ATXN10: variants seen among roughly 807,000 people sequenced by gnomAD.
The protein encoded by ATXN10 is ataxin-10.
Under a neutral mutation model 52.9 loss-of-function variants are expected in ATXN10, and 28 were observed. The observed-to-expected ratio is 0.53, with a 90% confidence interval of 0.39 to 0.73. The LOEUF (loss-of-function observed/expected upper bound fraction) is 0.73. ATXN10 is among the 30% of genes least tolerant of loss of function. ATXN10 has a pLI of 0.00. For missense variants in ATXN10, 565 were observed against 577.0 expected (o/e 0.98, Z 0.21); for synonymous variants, 226 against 221.5 (o/e 1.02, Z -0.18).
intron 9 of ATXN10, among the ~76,000 whole-genome samples, chr22:45,751,231 T>G (rs957953787): frequency 6.6e-6 from 1 of 152,154 alleles, no homozygotes; most frequent in Non-Finnish European, 1.5e-5. Flanking sequence ...ATGCCCAGCC[T>G]CTTTGTTCTT....
intron 9 of ATXN10, among the ~76,000 whole-genome samples, chr22:45,751,931 C>T (rs1925992785): frequency 6.8e-6 from 1 of 147,646 alleles, no homozygotes. Context: ...CCTGTCAGTG[C>T]TTGAAGGCAT....
At chr22:45,674,187 CA>C (rs1415393444) in intron 1 of ATXN10, 1 of 152,110 alleles carries the variant, frequency 6.6e-6, no homozygotes, top group African/African-American at 2.4e-5. Context: ...TAAATTAGGA[CA>C]TTGTGGGGAT....
At chr22:45,726,194 G>A (rs1924861401) in intron 6 of ATXN10, among the ~76,000 whole-genome samples, 1 of 152,110 alleles carries the variant, frequency 6.6e-6, no homozygotes. Context: ...AGTTAGGTAG[G>A]ATTCTCTCTT....
In ATXN10 at chr22:45,754,554, AC is replaced by A. The variant is rs1926106787; in HGVS notation, c.1173+14017del. Among the ~76,000 whole-genome samples, 1 of 152,098 alleles carries A rather than the reference AC, an allele frequency of 6.6e-6. No homozygotes were observed. The highest frequency in any genetic ancestry group is 2.1e-4 in the South Asian group (1 of 4,820). ...GTGCAGGAAAGGCTTCCTCAAAGCC[AC>A]TCAGTGGTGGGAGTGCTGTCTCAGT... On this transcript the variant is annotated intron_variant, in intron 9 of 11. Coordinates refer to ENST00000252934, the MANE Select transcript of ATXN10 (RefSeq NM_013236.4). The surrounding 1 kb of genome is among the most constrained non-coding windows in gnomAD (Gnocchi z 5.4).
intron 10 of ATXN10, among the ~76,000 whole-genome samples, chr22:45,839,724 C>A (rs1260637631): frequency 2.0e-5 from 3 of 152,218 alleles, no homozygotes; most frequent in African/African-American, 7.2e-5. Context: ...TTGATCCCAT[C>A]CACATGGGAA....
In ATXN10 at chr22:45,780,393, C is replaced by T. The variant is rs73444666; in HGVS notation, c.1174-26566C>T. 8.6e-3 allele frequency among the ~76,000 whole-genome samples: 1,308 copies of T among 152,314 alleles called. 11 individuals are homozygous for T. Among genetic ancestry groups the T allele is most frequent in the African/African-American group, 0.03 (1,227 of 41,572 alleles). ...GCCACTGTGCCCGTCGGACTGTTTG[C>T]TCTCATGAGAGCAGGGTGTGAAAGC... On this transcript the variant is annotated intron_variant, in intron 9 of 11. Transcript: ENST00000252934. The surrounding 1 kb of genome is among the most constrained non-coding windows in gnomAD (Gnocchi z 4.0).
In ATXN10 at chr22:45,672,056, G is replaced by C. The variant is rs746125594; in HGVS notation, c.-8G>C. 202 of 1,535,778 alleles carry C rather than the reference G, an allele frequency of 1.3e-4. No homozygotes were observed. Among genetic ancestry groups the C allele is most frequent in the Admixed American group, 5.7e-4 (29 of 50,790 alleles). Reference sequence around the variant, plus strand: ...CTCGTCAGGCTCGACCCAGCTGTGAGCGGCAAGATGGCGGCGCCCAGGCCG... The same window carrying C: ...CTCGTCAGGCTCGACCCAGCTGTGACCGGCAAGATGGCGGCGCCCAGGCCG... On this transcript the variant is annotated 5_prime_UTR_variant, in exon 1 of 12. Coordinates refer to ENST00000252934, the MANE Select transcript of ATXN10 (RefSeq NM_013236.4).
Position 45,754,903 on chromosome 22 carries a change from C to T in ATXN10, c.1173+14365C>T, listed in dbSNP as rs1235758137. ...CAACAGGCTCTTGGGCAGGCAGCCACCATGAAGGGGTGCCAAGAGTATGAG... is the reference window on the plus strand; with the variant it reads ...CAACAGGCTCTTGGGCAGGCAGCCATCATGAAGGGGTGCCAAGAGTATGAG... On this transcript the variant is annotated intron_variant, in intron 9 of 11. Coordinates refer to ENST00000252934, the MANE Select transcript of ATXN10 (RefSeq NM_013236.4). This position sits in a 1 kb window ranked among gnomAD's most constrained non-coding sequence, Gnocchi z 5.4. 2.0e-5 allele frequency among the ~76,000 whole-genome samples: 3 copies of T among 152,204 alleles called. No individual in the cohort carries two copies. Among genetic ancestry groups the T allele is most frequent in the East Asian group, 1.9e-4 (1 of 5,192 alleles).
At chr22:45,838,980 G>A (rs1014026268) in intron 10 of ATXN10, among the ~76,000 whole-genome samples, 3 of 152,296 alleles carry the variant, frequency 2.0e-5, no homozygotes, top group East Asian at 3.9e-4. Flanking sequence ...TCACTTAGAG[G>A]GGGCAGTGGA....
rs1929362237 is a variant in ATXN10, at chr22:45,842,100, G to C, written c.1238-891G>C. ...TTGTTCTCCCTGGATCAGGGTGCCAGGCCCAGTAGGGACACAGCCTCTCTT... is the reference window on the plus strand; with the variant it reads ...TTGTTCTCCCTGGATCAGGGTGCCACGCCCAGTAGGGACACAGCCTCTCTT... On this transcript the variant is annotated intron_variant, in intron 10 of 11. Transcript: ENST00000252934. The surrounding 1 kb of genome is among the most constrained non-coding windows in gnomAD (Gnocchi z 4.8). Among the ~76,000 whole-genome samples, 1 of 152,148 alleles carries C rather than the reference G, an allele frequency of 6.6e-6. No individual in the cohort carries two copies. The highest frequency in any genetic ancestry group is 1.5e-5 in the Non-Finnish European group (1 of 68,014).
At chr22:45,812,829 G>A (rs967127098) in intron 10 of ATXN10, among the ~76,000 whole-genome samples, 4 of 152,196 alleles carry the variant, frequency 2.6e-5, no homozygotes, top group Admixed American at 2.0e-4. Context: ...GACATCTGCA[G>A]TCAGGACTGT....
At chr22:45,761,224 G>A (rs1366947304) in intron 9 of ATXN10, among the ~76,000 whole-genome samples, 7 of 152,036 alleles carry the variant, frequency 4.6e-5, no homozygotes, top group Non-Finnish European at 4.4e-5. Context: ...AGGTTCAGGC[G>A]ATTCCCCAGC....
Position 45,734,774 on chromosome 22 carries a change from G to A in ATXN10, c.895-3957G>A, listed in dbSNP as rs866144275. Among the ~76,000 whole-genome samples, 23 of 151,442 alleles carry A rather than the reference G, an allele frequency of 1.5e-4. No individual in the cohort carries two copies. The Middle Eastern group carries it at 0.014, about 90-fold the overall frequency. ...TTATAAAATCTTTTGGTGTGAGACTGACTGGGTTTGAATCTTGATTTCTTC... is the reference window on the plus strand; with the variant it reads ...TTATAAAATCTTTTGGTGTGAGACTAACTGGGTTTGAATCTTGATTTCTTC... On this transcript the variant is annotated intron_variant, in intron 7 of 11. Coordinates refer to ENST00000252934, the MANE Select transcript of ATXN10 (RefSeq NM_013236.4).
At chr22:45,808,446 C>T (rs1928174750) in intron 10 of ATXN10, among the ~76,000 whole-genome samples, 1 of 152,192 alleles carries the variant, frequency 6.6e-6, no homozygotes, top group African/African-American at 2.4e-5. Context: ...CTGTTGTACA[C>T]GAGCACATTG....
Position 45,795,093 on chromosome 22 carries a change from A to G in ATXN10, c.1174-11866A>G, listed in dbSNP as rs1030962573. 6.6e-6 allele frequency among the ~76,000 whole-genome samples: 1 copy of G among 152,208 alleles called. No homozygotes were observed. The highest frequency in any genetic ancestry group is 2.4e-5 in the African/African-American group (1 of 41,446). ...TGGGGTAGTATGGTATTATTTGTAG[A>G]TAGACTGCAACAAGGTAAAGATGTA... On this transcript the variant is annotated intron_variant, in intron 9 of 11. Coordinates refer to ENST00000252934, the MANE Select transcript of ATXN10 (RefSeq NM_013236.4). This position sits in a 1 kb window ranked among gnomAD's most constrained non-coding sequence, Gnocchi z 4.6.
intron 10 of ATXN10, 145 bp downstream of exon 10, chr22:45,807,167 G>A: frequency 1.3e-6 from 1 of 745,642 alleles, no homozygotes; most frequent in Non-Finnish European, 2.5e-6. Flanking sequence ...CATTTTCTCA[G>A]AGTTATGGTG....
chr22:45,738,620 G>T, intron 7 of ATXN10, 111 bp from the exon 8 acceptor site: 2 of 937,200 alleles, frequency 2.1e-6, no homozygotes, highest in Non-Finnish European at 3.2e-6. Flanking sequence ...CTTATTACAA[G>T]CACAGACTCT....
In ATXN10 at chr22:45,805,067, C is replaced by G. The variant is rs1336980082; in HGVS notation, c.1174-1892C>G. ...TGTACCGTAGTTTATGTAAGCAACC[C>G]CCATTCGTGGAGACTTGAGTTGTTT... On this transcript the variant is annotated intron_variant, in intron 9 of 11. Coordinates refer to ENST00000252934, the MANE Select transcript of ATXN10 (RefSeq NM_013236.4). The surrounding 1 kb of genome is among the most constrained non-coding windows in gnomAD (Gnocchi z 4.4). 6.6e-6 allele frequency among the ~76,000 whole-genome samples: 1 copy of G among 152,156 alleles called. No individual in the cohort carries two copies. The highest frequency in any genetic ancestry group is 1.5e-5 in the Non-Finnish European group (1 of 68,026).
In ATXN10 at chr22:45,825,518, A is replaced by AAAT. The variant is rs139277087; in HGVS notation, c.1238-17460_1238-17458dup. Among the ~76,000 whole-genome samples, 2 of 152,106 alleles carry AAAT rather than the reference A, an allele frequency of 1.3e-5. No homozygotes were observed. The highest frequency in any genetic ancestry group is 2.9e-5 in the Non-Finnish European group (2 of 68,026). On this transcript the variant is annotated intron_variant, in intron 10 of 11. Transcript: ENST00000252934. The surrounding 1 kb of genome is among the most constrained non-coding windows in gnomAD (Gnocchi z 4.5). Reference sequence around the variant, plus strand: ...ACAGAGACAGCCTGCAACAATCCAGAAATAATAATAATAATGAACAGTAAC... The same window carrying AAAT: ...ACAGAGACAGCCTGCAACAATCCAGAAATAATAATAATAATAATGAACAGTAAC...
Sources: gnomAD v4.1 joint callset for allele counts (sites outside exome capture counted in the v4.1 genomes callset) on GRCh38, gnomAD v4.1.1 for gene constraint, Gnocchi (gnomAD v3.1) non-coding constraint, MANE v1.5 for transcripts, NCBI Gene and HGNC (gene_info 2026-07-23, HGNC 2026-07-21) for gene names.